The following SLC24A3 variants were observed in gnomAD, a reference collection of about 807,000 sequenced individuals.
The protein encoded by SLC24A3 is sodium/potassium/calcium exchanger 3.
SLC24A3 carries 28 observed loss-of-function variants against 75.8 expected under a neutral mutation model. The observed-to-expected ratio is 0.37, with a 90% CI of 0.27 to 0.51. SLC24A3 has a LOEUF of 0.51. Among genes scored for constraint, SLC24A3 ranks in the 20% least tolerant of loss-of-function variants. The pLI, the probability that SLC24A3 is intolerant of heterozygous loss-of-function variation, is 0.94. For synonymous variants in SLC24A3, 372 were observed against 334.1 expected (o/e 1.11, Z -1.24); for missense variants, 663 against 847.8 (o/e 0.78, Z 2.71).
intron 2 of SLC24A3, among the ~76,000 whole-genome samples, chr20:19,479,934 C>T (rs757844426): frequency 4.6e-5 from 7 of 152,206 alleles, no homozygotes; most frequent in Non-Finnish European, 7.3e-5. Context: ...CCTCAATACC[C>T]GCTCATTCCA....
chr20:19,632,372 A>C (rs756083064), intron 6 of SLC24A3, among the ~76,000 whole-genome samples: 7 of 152,022 alleles, frequency 4.6e-5, no homozygotes, highest in Non-Finnish European at 8.8e-5. Context: ...TTTTGGAGAG[A>C]ATCCATTTCT....
At chr20:19,630,137 C>CT (rs1185398667) in intron 6 of SLC24A3, among the ~76,000 whole-genome samples, 1 of 152,084 alleles carries the variant, frequency 6.6e-6, no homozygotes. Context: ...ACAAGAGATC[C>CT]TATGAAAAGC....
intron 3 of SLC24A3, among the ~76,000 whole-genome samples, chr20:19,563,472 A>G (rs559440938): frequency 1.6e-4 from 25 of 151,868 alleles, no homozygotes; most frequent in Non-Finnish European, 3.1e-4. Context: ...GGGGAAATGA[A>G]TTAGTAAGAG....
intron 2 of SLC24A3, among the ~76,000 whole-genome samples, chr20:19,325,840 G>A (rs11700384): frequency 0.21 from 8,450 of 40,646 alleles, 625 homozygotes; most frequent in African/African-American, 0.26. Context: ...AGAGAGAGAG[G>A]GAGACATCTG....
chr20:19,311,246 C>T (rs1568585880), intron 2 of SLC24A3, among the ~76,000 whole-genome samples: 1 of 152,138 alleles, frequency 6.6e-6, no homozygotes, highest in Non-Finnish European at 1.5e-5. Context: ...AGGCTCAAGG[C>T]TTCAAGAGAA....
At chr20:19,549,988 GA>G (rs2030664736) in intron 3 of SLC24A3, among the ~76,000 whole-genome samples, 2 of 152,104 alleles carry the variant, frequency 1.3e-5, no homozygotes, top group Admixed American at 1.3e-4. Context: ...TTTGAATTGT[GA>G]CATTTATTTG....
chr20:19,482,297 C>T (rs1365760078), intron 2 of SLC24A3, among the ~76,000 whole-genome samples: 2 of 152,138 alleles, frequency 1.3e-5, no homozygotes, highest in Non-Finnish European at 2.9e-5. Context: ...AAGCCTCATT[C>T]TCCTTCTTCA....
intron 2 of SLC24A3, among the ~76,000 whole-genome samples, chr20:19,385,617 T>C: frequency 6.6e-6 from 1 of 151,616 alleles, no homozygotes; most frequent in Non-Finnish European, 1.5e-5. Context: ...AAAGTCCTTG[T>C]GGTTTCATAT....
At position 19,560,952 on chromosome 20, in the gene SLC24A3, A is replaced by T. The variant is rs117483363; in HGVS notation, c.349-19048A>T. On this transcript the variant is annotated intron_variant, in intron 3 of 16. Transcript: ENST00000328041. ...TAATTAGAATCATATGTACGTGTGG[A>T]TGAGGAGGAGGGTTGTCTCACAAAC... Among the ~76,000 whole-genome samples the T allele has an allele frequency of 5.6e-3, 853 of 152,308 alleles. 5 individuals carry two copies. Among genetic ancestry groups the T allele is most frequent in the Middle Eastern group, 0.031 (9 of 294 alleles).
intron 2 of SLC24A3, among the ~76,000 whole-genome samples, chr20:19,395,911 T>G (rs1460321148): frequency 6.6e-6 from 1 of 152,094 alleles, no homozygotes; most frequent in Non-Finnish European, 1.5e-5. Context: ...TTTGGGGCCA[T>G]TTGGGGCTTT....
At chr20:19,289,511 C>T (rs1983889738) in intron 2 of SLC24A3, among the ~76,000 whole-genome samples, 1 of 152,222 alleles carries the variant, frequency 6.6e-6, no homozygotes, top group African/African-American at 2.4e-5. Flanking sequence ...GTGAGCAATG[C>T]ACTCAACTGT....
chr20:19,442,409 G>A (rs1987311903), intron 2 of SLC24A3, among the ~76,000 whole-genome samples: 1 of 152,118 alleles, frequency 6.6e-6, no homozygotes, highest in Admixed American at 6.5e-5. Context: ...CACTCTAATA[G>A]GTGCATAGTT....
intron 2 of SLC24A3, among the ~76,000 whole-genome samples, chr20:19,422,245 A>G (rs1986929684): frequency 6.6e-6 from 1 of 152,180 alleles, no homozygotes; most frequent in African/African-American, 2.4e-5. Context: ...TCTTGGCCAC[A>G]GTGCTGTGCT....
chr20:19,295,117 C>A (rs1984029730), intron 2 of SLC24A3, among the ~76,000 whole-genome samples: 1 of 152,144 alleles, frequency 6.6e-6, no homozygotes, highest in East Asian at 1.9e-4. Flanking sequence ...TGAGAAGTGT[C>A]TGTTCGTGTC....
At chr20:19,699,120 T>C (rs577478614) in intron 15 of SLC24A3, among the ~76,000 whole-genome samples, 97 of 152,382 alleles carry the variant, frequency 6.4e-4, no homozygotes, top group Non-Finnish European at 1.3e-3. Context: ...CATTTAAATA[T>C]GTAAAAACCA....
At chr20:19,681,719 G>A (rs910314874) in intron 9 of SLC24A3, 139 bp from the exon 10 acceptor site, 12 of 1,365,310 alleles carry the variant, frequency 8.8e-6, no homozygotes, top group African/African-American at 1.4e-5. Flanking sequence ...AATGGGTTGA[G>A]AAAATTAGAA....
At chr20:19,245,103 A>G (rs1470735228) in intron 1 of SLC24A3, among the ~76,000 whole-genome samples, 2 of 152,144 alleles carry the variant, frequency 1.3e-5, no homozygotes, top group African/African-American at 2.4e-5. Context: ...AATGCTAGAA[A>G]GTTTGTCTCT....
At chr20:19,266,514 A>G (rs973566389) in intron 1 of SLC24A3, among the ~76,000 whole-genome samples, 2 of 152,246 alleles carry the variant, frequency 1.3e-5, no homozygotes, top group Non-Finnish European at 2.9e-5. Flanking sequence ...GGCAGAGACA[A>G]GACAGCCTGA....
intron 3 of SLC24A3, among the ~76,000 whole-genome samples, chr20:19,567,645 C>G (rs2030981472): frequency 6.6e-6 from 1 of 152,196 alleles, no homozygotes; most frequent in African/African-American, 2.4e-5. Context: ...ACATCTATCC[C>G]TGAAACCTAA....
Sources: gnomAD v4.1 joint callset for allele counts (sites outside exome capture counted in the v4.1 genomes callset) on GRCh38, gnomAD v4.1.1 for gene constraint, MANE v1.5 for transcripts, NCBI Gene and HGNC (gene_info 2026-07-23, HGNC 2026-07-21) for gene names.